The following IQCM variants were observed in gnomAD, a reference collection of about 807,000 sequenced individuals.
The protein encoded by IQCM is IQ domain-containing protein M.
Under a neutral mutation model 57.6 loss-of-function variants are expected in IQCM, and 45 were observed. That is an observed-to-expected ratio of 0.78 (90% CI 0.62 to 1.00). The LOEUF is 1.00. Among genes scored for constraint, IQCM ranks in the 50% least tolerant of loss-of-function variants. The pLI is 0.00. For synonymous variants in IQCM, 148 were observed against 158.9 expected (o/e 0.93, Z 0.51); for missense variants, 468 against 511.6 (o/e 0.91, Z 0.82).
chr4:149,412,606 G>T (rs780715167), intron 13 of IQCM, among the ~76,000 whole-genome samples: 1 of 152,132 alleles, frequency 6.6e-6, no homozygotes, highest in African/African-American at 2.4e-5. Context: ...TAGATAGAAA[G>T]ATTAATAAGA....
chr4:149,803,801 T>A (rs111851033), intron 2 of IQCM, among the ~76,000 whole-genome samples: 3 of 152,144 alleles, frequency 2.0e-5, no homozygotes, highest in Admixed American at 1.3e-4. Flanking sequence ...CTACAGACTA[T>A]TTCTTAAATA....
chr4:149,439,000 A>T (rs1322921217), intron 12 of IQCM, among the ~76,000 whole-genome samples: 3 of 152,222 alleles, frequency 2.0e-5, no homozygotes, highest in Non-Finnish European at 1.5e-5. Context: ...TGAATTATTT[A>T]AAAATGTTAA....
At chr4:149,366,412 C>T (rs916923953) in intron 13 of IQCM, among the ~76,000 whole-genome samples, 1 of 151,828 alleles carries the variant, frequency 6.6e-6, no homozygotes, top group Non-Finnish European at 1.5e-5. Flanking sequence ...GATCCTACCT[C>T]CAAAACTTCC....
intron 2 of IQCM, among the ~76,000 whole-genome samples, chr4:149,795,377 C>T (rs1486347319): frequency 1.3e-5 from 2 of 152,178 alleles, no homozygotes; most frequent in East Asian, 1.9e-4. Flanking sequence ...TAACAGCCGC[C>T]GAAAGAGGGA....
intron 12 of IQCM, among the ~76,000 whole-genome samples, chr4:149,469,446 C>T (rs1227131646): frequency 1.3e-5 from 2 of 152,144 alleles, no homozygotes; most frequent in African/African-American, 4.8e-5. Context: ...AAGAAATGAA[C>T]AAAGCCTCAA....
At chr4:149,569,510 C>G (rs968331992) in intron 9 of IQCM, among the ~76,000 whole-genome samples, 24 of 152,082 alleles carry the variant, frequency 1.6e-4, no homozygotes, top group African/African-American at 5.1e-4. Context: ...ATTATTACAG[C>G]AAATTTTTGC....
intron 12 of IQCM, among the ~76,000 whole-genome samples, chr4:149,481,730 G>GTTTTTTTTTTTTTT (rs1740911788): frequency 1.8e-4 from 1 of 5,416 alleles, no homozygotes; most frequent in African/African-American, 5.9e-4. Context: ...TTTGCTTTTT[G>GTTTTTTTTTTTTTT]CTTAGGACAG....
At chr4:149,761,288 A>T (rs1478389342) in intron 2 of IQCM, among the ~76,000 whole-genome samples, 1 of 152,120 alleles carries the variant, frequency 6.6e-6, no homozygotes, top group Non-Finnish European at 1.5e-5. Context: ...TAAATAATCT[A>T]ATAATAAATA....
chr4:149,772,060 G>A (rs183021792), intron 2 of IQCM, among the ~76,000 whole-genome samples: 1 of 152,122 alleles, frequency 6.6e-6, no homozygotes, highest in Non-Finnish European at 1.5e-5. Context: ...GCCTTTTAGA[G>A]AGGTAACTCT....
chr4:149,583,061 C>A (rs1393390987), intron 9 of IQCM, among the ~76,000 whole-genome samples: 1 of 151,368 alleles, frequency 6.6e-6, no homozygotes, highest in African/African-American at 2.4e-5. Flanking sequence ...GCCACTATAT[C>A]AAAAAAGAAA....
chr4:149,567,580 T>G (rs1418004695), intron 9 of IQCM, among the ~76,000 whole-genome samples: 1 of 152,026 alleles, frequency 6.6e-6, no homozygotes, highest in African/African-American at 2.4e-5. Context: ...ACTCCTGTCC[T>G]CAAATGATCC....
At chr4:149,413,079 T>C (rs1733500538) in intron 13 of IQCM, among the ~76,000 whole-genome samples, 1 of 152,322 alleles carries the variant, frequency 6.6e-6, no homozygotes, top group East Asian at 1.9e-4. Flanking sequence ...TAGATGAACA[T>C]GTATGCACAT....
At chr4:149,575,958 CAAAAT>C (rs1225238908) in intron 9 of IQCM, among the ~76,000 whole-genome samples, 3 of 151,726 alleles carry the variant, frequency 2.0e-5, no homozygotes, top group Admixed American at 2.0e-4. Flanking sequence ...TTCCTCAAAA[CAAAAT>C]AGAGACTTAA....
intron 12 of IQCM, among the ~76,000 whole-genome samples, chr4:149,499,150 A>G (rs926080931): frequency 3.3e-5 from 5 of 152,170 alleles, no homozygotes; most frequent in Non-Finnish European, 2.9e-5. Context: ...CAATTTTCCA[A>G]AAGTCCCTGG....
chr4:149,650,361 G>T (rs934011494), intron 7 of IQCM, among the ~76,000 whole-genome samples: 10 of 151,384 alleles, frequency 6.6e-5, no homozygotes, highest in African/African-American at 2.2e-4. Context: ...AGCTTTGGAG[G>T]CAACATGGCC....
At chr4:149,703,914 A>G (rs1763957184) in intron 5 of IQCM, among the ~76,000 whole-genome samples, 1 of 151,868 alleles carries the variant, frequency 6.6e-6, no homozygotes, top group East Asian at 1.9e-4. Flanking sequence ...ACTATTTCAC[A>G]TCTCATACTC....
chr4:149,761,991 G>C (rs11099741), intron 2 of IQCM, among the ~76,000 whole-genome samples: 1 of 151,848 alleles, frequency 6.6e-6, no homozygotes, highest in Non-Finnish European at 1.5e-5. Context: ...ATTAATGTAG[G>C]TGTTACTGTA....
intron 2 of IQCM, among the ~76,000 whole-genome samples, chr4:149,759,504 C>A (rs1769297958): frequency 6.6e-6 from 1 of 152,036 alleles, no homozygotes; most frequent in Admixed American, 6.6e-5. Context: ...AGTATAGCCT[C>A]ATGAAATAAA....
chr4:149,730,524 A>C (rs1454830156), intron 5 of IQCM, among the ~76,000 whole-genome samples: 1 of 152,188 alleles, frequency 6.6e-6, no homozygotes, highest in Non-Finnish European at 1.5e-5. Context: ...CTCATGTTCT[A>C]GTCATGTAAA....
Sources: gnomAD v4.1 joint callset for allele counts (sites outside exome capture counted in the v4.1 genomes callset) on GRCh38, gnomAD v4.1.1 for gene constraint, MANE v1.5 for transcripts, NCBI Gene and HGNC (gene_info 2026-07-23, HGNC 2026-07-21) for gene names.